The following CACNA1C variants were observed in gnomAD, a reference collection of about 807,000 sequenced individuals.
The protein encoded by CACNA1C is calcium voltage-gated channel subunit alpha1 C.
A neutral mutation model predicts 229.0 loss-of-function variants in CACNA1C; 30 were observed. That is an observed-to-expected ratio of 0.13 (90% confidence interval 0.10 to 0.18). CACNA1C has a LOEUF of 0.18. Ranked by LOEUF, CACNA1C falls within the 10% of genes least tolerant of loss-of-function variation. The pLI is 1.00. For missense variants in CACNA1C, 1,658 were observed against 2,845.0 expected, an observed-to-expected ratio of 0.58 and a Z score of 9.49; for synonymous variants, 1,114 against 1,132.5, an observed-to-expected ratio of 0.98 and a Z score of 0.33.
Position 2,009,433 on chromosome 12 carries a change from A to G in CACNA1C, c.139+38232A>G, listed in dbSNP as rs1293001696. ...TTGCATACAAATATAGATTGACTAT[A>G]TCATCACAATTTTAAAACACAAATA... On this transcript the variant is annotated intron_variant, in intron 1 of 46. Transcript: ENST00000682462. 2.6e-5 allele frequency among the ~76,000 whole-genome samples: 4 copies of G among 152,258 alleles called. No individual in the cohort carries two copies. In the East Asian group the frequency reaches 7.7e-4, roughly 29 times the overall value.
At chr12:2,046,588 A>C (rs1293511832) in intron 1 of CACNA1C, among the ~76,000 whole-genome samples, 8 of 152,070 alleles carry the variant, frequency 5.3e-5, no homozygotes, top group Admixed American at 3.3e-4. Context: ...GGCCATAAAT[A>C]ACCTCGCTGC....
chr12:2,471,933 C>A (rs1415560979), intron 5 of CACNA1C, among the ~76,000 whole-genome samples: 1 of 152,220 alleles, frequency 6.6e-6, no homozygotes, highest in Non-Finnish European at 1.5e-5. Flanking sequence ...CCTGCCTAGG[C>A]CTCCCAGAGT....
chr12:2,340,956 C>CA (rs140720432), intron 3 of CACNA1C, among the ~76,000 whole-genome samples: 23,690 of 144,242 alleles, frequency 0.16, 5,448 homozygotes, highest in African/African-American at 0.53. Flanking sequence ...GACTCCGTCT[C>CA]AAAAAAGAAA....
At chr12:2,669,072 A>G (rs1422071170) in intron 38 of CACNA1C, 37 bp downstream of exon 38, 4 of 1,372,530 alleles carry the variant, frequency 2.9e-6, no homozygotes, top group Non-Finnish European at 3.1e-6. Context: ...AGACACTCAG[A>G]AGGTCTAGCA....
At chr12:2,394,336 C>A (rs1016457513) in intron 3 of CACNA1C, among the ~76,000 whole-genome samples, 5 of 152,270 alleles carry the variant, frequency 3.3e-5, no homozygotes, top group East Asian at 1.9e-4. Context: ...GCTTTATAAT[C>A]CAAGAGCTTG....
chr12:2,063,009 C>A (rs774960350), intron 1 of CACNA1C, among the ~76,000 whole-genome samples: 11 of 152,108 alleles, frequency 7.2e-5, no homozygotes, highest in Non-Finnish European at 1.6e-4. Flanking sequence ...CTACCTACTT[C>A]CCCAATATTT....
intron 37 of CACNA1C, among the ~76,000 whole-genome samples, chr12:2,667,568 G>A (rs1337795775): frequency 1.3e-5 from 2 of 152,178 alleles, no homozygotes; most frequent in Non-Finnish European, 2.9e-5. Flanking sequence ...CAGATTTTAA[G>A]AGATTTCCAA....
chr12:2,250,216 A>G (rs996606856), intron 3 of CACNA1C, among the ~76,000 whole-genome samples: 1 of 152,086 alleles, frequency 6.6e-6, no homozygotes, highest in African/African-American at 2.4e-5. Context: ...TGCGGAGTTC[A>G]TTTGTCTTCT....
Position 2,691,344 on chromosome 12 carries a change from G to C in CACNA1C, c.*145G>C, listed in dbSNP as rs539801926. The C allele has an allele frequency of 7.5e-5, 67 of 897,310 alleles. No individual in the cohort carries two copies. In the African/African-American group the frequency reaches 1.0e-3, roughly 14 times the overall value. 55.6% of individuals were successfully genotyped at this position (897,310 alleles called of 1,614,324 possible). Reference sequence around the variant, plus strand: ...TCTGTTGGGACCAGACGCGGAGCCTGGGTGCGCGAGCCGCCCTCCGGGAGG... The same window carrying C: ...TCTGTTGGGACCAGACGCGGAGCCTCGGTGCGCGAGCCGCCCTCCGGGAGG... On this transcript the variant is annotated 3_prime_UTR_variant, in exon 47 of 47. Coordinates refer to ENST00000399655, the MANE Select transcript of CACNA1C (RefSeq NM_000719.7).
intron 1 of CACNA1C, among the ~76,000 whole-genome samples, chr12:1,978,717 T>C (rs1314942356): frequency 6.6e-6 from 1 of 152,194 alleles, no homozygotes; most frequent in African/African-American, 2.4e-5. Flanking sequence ...ACCAATTTTT[T>C]ACTTCTATCA....
At chr12:2,255,240 G>C (rs1300982540) in intron 3 of CACNA1C, among the ~76,000 whole-genome samples, 1 of 148,632 alleles carries the variant, frequency 6.7e-6, no homozygotes, top group East Asian at 2.0e-4. Flanking sequence ...TGAAATCACG[G>C]TTATGGGATG....
chr12:2,578,016 C>G (rs2059121784), intron 13 of CACNA1C, among the ~76,000 whole-genome samples: 1 of 151,366 alleles, frequency 6.6e-6, no homozygotes, highest in Admixed American at 6.6e-5. Context: ...CTACAGGCGC[C>G]CGCTACCACA....
At chr12:2,385,061 C>T (rs955283634) in intron 3 of CACNA1C, among the ~76,000 whole-genome samples, 3 of 152,076 alleles carry the variant, frequency 2.0e-5, no homozygotes, top group Admixed American at 6.5e-5. Context: ...CTGCCTGCCC[C>T]GAGCTGAAGA....
intron 1 of CACNA1C, among the ~76,000 whole-genome samples, chr12:1,988,056 C>T (rs901631175): frequency 1.1e-4 from 17 of 152,296 alleles, no homozygotes; most frequent in Non-Finnish European, 1.5e-4. Flanking sequence ...GGGGTCATTA[C>T]GGGACTCTTC....
intron 1 of CACNA1C, among the ~76,000 whole-genome samples, chr12:1,984,773 T>C (rs1241615478): frequency 7.3e-6 from 1 of 136,924 alleles, no homozygotes; most frequent in Non-Finnish European, 1.6e-5. Context: ...CAGTGGGTCT[T>C]CTGGTAAAAA....
intron 3 of CACNA1C, among the ~76,000 whole-genome samples, chr12:2,136,755 G>A (rs984765994): frequency 7.9e-5 from 12 of 151,376 alleles, no homozygotes; most frequent in African/African-American, 2.9e-4. Context: ...TACCTGAGAG[G>A]TAGACTTGGC....
intron 3 of CACNA1C, among the ~76,000 whole-genome samples, chr12:2,393,383 T>A (rs1041028678): frequency 1.3e-5 from 2 of 152,208 alleles, no homozygotes; most frequent in African/African-American, 4.8e-5. Flanking sequence ...CATCTCCTGC[T>A]CCAGTGAAGA....
At chr12:2,279,779 C>T (rs184594197) in intron 3 of CACNA1C, among the ~76,000 whole-genome samples, 1 of 152,282 alleles carries the variant, frequency 6.6e-6, no homozygotes, top group African/African-American at 2.4e-5. Context: ...CAACTATTTA[C>T]ATAGCATTTA....
intron 3 of CACNA1C, among the ~76,000 whole-genome samples, chr12:2,180,622 A>G (rs1420597454): frequency 6.6e-6 from 1 of 152,218 alleles, no homozygotes; most frequent in Non-Finnish European, 1.5e-5. Context: ...GAGACTGTCC[A>G]GTGCGCTGCG....
Sources: allele counts gnomAD v4.1 joint callset (sites outside exome capture counted in the v4.1 genomes callset), GRCh38; gene constraint gnomAD v4.1.1; transcripts MANE v1.5; gene names NCBI Gene and HGNC (gene_info 2026-07-23, HGNC 2026-07-21).